KCNC4: variants seen among roughly 807,000 people sequenced by gnomAD.
KCNC4 encodes potassium voltage-gated channel subfamily C member 4.
Under a neutral mutation model 42.8 loss-of-function variants are expected in KCNC4, and 23 were observed. The observed-to-expected ratio is 0.54, with a 90% confidence interval of 0.39 to 0.76. The LOEUF (loss-of-function observed/expected upper bound fraction) is 0.76, where lower values mean the gene tolerates loss of function less well. KCNC4 is among the 30% of genes least tolerant of loss of function. The pLI is 0.00. For missense variants in KCNC4, 751 were observed against 898.2 expected (o/e 0.84, Z 2.10); for synonymous variants, 422 against 393.5 (o/e 1.07, Z -0.86).
At position 110,211,979 on chromosome 1, in the gene KCNC4, C is replaced by T; in HGVS notation, c.480C>T (p.Ile160=). The change falls in exon 1 of 4, where the codon ATC becomes ATT. Residue 160 remains isoleucine, a synonymous_variant. Transcript: ENST00000438661. This position sits in a 1 kb window ranked among gnomAD's most constrained non-coding sequence, Gnocchi z 6.5. ...QHRDAEEALD[I]FESPDGGGSG... ...GCGACGCCGAGGAGGCGCTCGACAT[C>T]TTCGAGAGCCCGGACGGAGGCGGCA... The T allele has an allele frequency of 6.2e-7, 1 of 1,610,740 alleles. No individual in the cohort carries two copies. The highest frequency in any genetic ancestry group is 1.1e-5 in the South Asian group (1 of 90,956).
Position 110,212,084 on chromosome 1 carries a change from C to T in KCNC4, c.585C>T (p.Gly195=), listed in dbSNP as rs1320778575. 1.4e-5 allele frequency: 22 copies of T among 1,531,598 alleles called. No homozygotes were observed. The highest frequency in any genetic ancestry group is 2.5e-5 in the East Asian group (1 of 40,680). 94.9% of individuals were successfully genotyped at this position (1,531,598 alleles called of 1,614,324 possible). A position where few individuals can be genotyped will look rare whatever the true frequency, so the allele number is the denominator to read the frequency against. The change falls in exon 1 of 4, where the codon GGC becomes GGT. Residue 195 remains glycine (G), a synonymous_variant. Coordinates refer to ENST00000438661, the MANE Select transcript of KCNC4 (RefSeq NM_001039574.3). Reference sequence around the variant, plus strand: ...AGCGACTGGGCCCCCACGAGGGAGGCGCGGGCCATGGCGCCGGGTCTGGGG... The same window carrying T: ...AGCGACTGGGCCCCCACGAGGGAGGTGCGGGCCATGGCGCCGGGTCTGGGG... ...ALQRLGPHEG[G]AGHGAGSGGC... is the part of the protein sequence containing the mutation.
rs118072648 is a variant in KCNC4 at position 110,216,589 on chromosome 1, C to T, written c.678+4412C>T. On this transcript the variant is annotated intron_variant, in intron 1 of 3. Coordinates refer to ENST00000438661, the MANE Select transcript of KCNC4 (RefSeq NM_001039574.3). ...GGAGTAGGGAAGGGGAGAAAGTAAA[C>T]GAGCTATTTTGGAGACTCGGGGGAA... Among the ~76,000 whole-genome samples the T allele has an allele frequency of 6.4e-4, 98 of 152,264 alleles. 1 individual carries two copies. In the East Asian group the frequency reaches 0.018, roughly 28 times the overall value.
At chr1:110,249,600 G>T (rs1258445953), downstream of KCNC4, among the ~76,000 whole-genome samples, 1 of 152,152 alleles carries the variant, frequency 6.6e-6, no homozygotes, top group Non-Finnish European at 1.5e-5. Context: ...TCTTGAGCAG[G>T]ATCAGCTGAT....
chr1:110,250,371 G>A (rs1464149611), downstream of KCNC4, among the ~76,000 whole-genome samples: 3 of 152,152 alleles, frequency 2.0e-5, no homozygotes, highest in Non-Finnish European at 2.9e-5. Context: ...CAAGCTCCCT[G>A]AGGGCACAGT....
At chr1:110,267,901 C>T (rs368062440) in intron 1 of KCNC4, among the ~76,000 whole-genome samples, 1 of 152,158 alleles carries the variant, frequency 6.6e-6, no homozygotes, top group African/African-American at 2.4e-5. Flanking sequence ...AGATTGAAGT[C>T]GCATTCGTAA....
At chr1:110,247,100 A>G (rs1371308457) in exon 4 of KCNC4, 1 of 152,098 alleles carries the variant, frequency 6.6e-6, no homozygotes, top group Non-Finnish European at 1.5e-5. Context: ...TTATGGCTGA[A>G]TAGTATTCCA....
intron 3 of KCNC4, among the ~76,000 whole-genome samples, chr1:110,226,720 C>T (rs1007089146): frequency 1.3e-5 from 2 of 152,236 alleles, no homozygotes; most frequent in African/African-American, 4.8e-5. Context: ...TGACTGTCCT[C>T]TTGAGGCAGT....
intron 1 of KCNC4, among the ~76,000 whole-genome samples, chr1:110,264,117 T>C (rs1316649578): frequency 6.6e-6 from 1 of 152,188 alleles, no homozygotes; most frequent in Admixed American, 6.5e-5. Context: ...CCGAGGCATT[T>C]ATTGTAGGGC....
chr1:110,267,950 G>T (rs917768713), intron 1 of KCNC4, among the ~76,000 whole-genome samples: 1 of 152,180 alleles, frequency 6.6e-6, no homozygotes, highest in Non-Finnish European at 1.5e-5. Flanking sequence ...TAACTTTGCT[G>T]AAGAATAGGC....
At chr1:110,232,491 A>G in intron 3 of KCNC4, 1 of 1,439,766 alleles carries the variant, frequency 6.9e-7, no homozygotes, top group Non-Finnish European at 9.1e-7. Context: ...AACTTTCCCC[A>G]CTGCCTCCAT....
rs776115138 is a variant in KCNC4 at position 110,226,295 on chromosome 1, C to T, written c.1819+117C>T. ...GAGACCGTGGCCGCCATCTCCTCTG[C>T]CTTGGATGCACCCCCACTTTTAGAA... is the stretch of plus-strand genomic sequence containing the variant. On this transcript the variant is annotated intron_variant, in intron 3 of 3. Transcript: ENST00000438661. The T allele has an allele frequency of 1.5e-5, 12 of 785,494 alleles. No homozygotes were observed. The East Asian group carries it at 1.9e-4, about 12-fold the overall frequency. 48.7% of individuals were successfully genotyped at this position (785,494 alleles called of 1,614,324 possible).
At chr1:110,259,737 T>C (rs2101074829) in intron 1 of KCNC4, among the ~76,000 whole-genome samples, 1 of 152,362 alleles carries the variant, frequency 6.6e-6, no homozygotes, top group Non-Finnish European at 1.5e-5. Context: ...TTCTTGACTT[T>C]CTTGACAACA....
At chr1:110,213,878 T>C (rs554523502) in intron 1 of KCNC4, among the ~76,000 whole-genome samples, 3 of 151,772 alleles carry the variant, frequency 2.0e-5, no homozygotes, top group African/African-American at 7.3e-5. Flanking sequence ...GAGATAGAGA[T>C]AGAGATGGGG....
At chr1:110,245,157 G>C (rs1659118085) in exon 4 of KCNC4, 1 of 152,272 alleles carries the variant, frequency 6.6e-6, no homozygotes, top group Non-Finnish European at 1.5e-5. Context: ...AGGTCTGGCG[G>C]AGGAGGGAAG....
chr1:110,283,507 GTC>G (rs1407688749), downstream of KCNC4, among the ~76,000 whole-genome samples: 2 of 152,268 alleles, frequency 1.3e-5, no homozygotes, highest in East Asian at 3.9e-4. Flanking sequence ...AGAGCCACTT[GTC>G]TCTCTCAGTG....
chr1:110,251,787 C>A (rs896111686), downstream of KCNC4, among the ~76,000 whole-genome samples: 94 of 152,222 alleles, frequency 6.2e-4, no homozygotes, highest in African/African-American at 2.1e-3. Flanking sequence ...ACAGCGATCC[C>A]ATTATGCAGG....
At chr1:110,278,778 C>T (rs3820661) in intron 1 of KCNC4, among the ~76,000 whole-genome samples, 44,112 of 152,014 alleles carry the variant, frequency 0.29, 6,843 homozygotes, top group Admixed American at 0.42. Flanking sequence ...GCAGAACACC[C>T]ATCATCATGG....
chr1:110,213,992 C>T (rs999642935), intron 1 of KCNC4, among the ~76,000 whole-genome samples: 1 of 152,216 alleles, frequency 6.6e-6, no homozygotes, highest in Non-Finnish European at 1.5e-5. Context: ...ACCTGCTCTT[C>T]TTCCCCTCTG....
downstream of KCNC4, among the ~76,000 whole-genome samples, chr1:110,250,279 T>A (rs999251625): frequency 2.6e-5 from 4 of 152,116 alleles, no homozygotes; most frequent in African/African-American, 9.6e-5. Context: ...CTCTCCTCCC[T>A]CCTCCATGTC....
Sources: allele counts gnomAD v4.1 joint callset (sites outside exome capture counted in the v4.1 genomes callset), GRCh38; gene constraint gnomAD v4.1.1; non-coding constraint Gnocchi (gnomAD v3.1); transcripts MANE v1.5; gene names NCBI Gene and HGNC (gene_info 2026-07-23, HGNC 2026-07-21).